LSAMP: variants seen among roughly 807,000 people sequenced by gnomAD.
LSAMP encodes the protein limbic system associated membrane protein.
A neutral mutation model predicts 38.6 loss-of-function variants in LSAMP; 7 were observed. The observed-to-expected ratio is 0.18, with a 90% CI of 0.10 to 0.34. The LOEUF is 0.34. Ranked by LOEUF, LSAMP falls within the 10% of genes least tolerant of loss-of-function variation. The probability of loss-of-function intolerance (pLI) is 1.00; values close to 1 mark genes in which losing one functional copy is unlikely to be tolerated. For missense variants in LSAMP, 313 were observed against 420.0 expected (o/e 0.75, Z 2.23); for synonymous variants, 154 against 166.8 (o/e 0.92, Z 0.59).
At chr3:116,011,244 A>G (rs906311121) in intron 3 of LSAMP, among the ~76,000 whole-genome samples, 2 of 152,104 alleles carry the variant, frequency 1.3e-5, no homozygotes, top group Admixed American at 1.3e-4. Context: ...AACTAGGGGG[A>G]GAATGAATGA....
At chr3:115,978,219 A>G (rs1441802015) in intron 3 of LSAMP, among the ~76,000 whole-genome samples, 1 of 152,194 alleles carries the variant, frequency 6.6e-6, no homozygotes, top group African/African-American at 2.4e-5. Context: ...AGCAGAGGCA[A>G]AATCTATGCC....
intron 1 of LSAMP, among the ~76,000 whole-genome samples, chr3:116,397,172 A>G (rs564177521): frequency 6.6e-4 from 100 of 152,300 alleles, no homozygotes; most frequent in African/African-American, 2.2e-3. Context: ...AAGTCCTAAC[A>G]GTAACCTATA....
Position 115,810,235 on chromosome 3 carries a change from C to T in LSAMP, c.*82G>A. ...CGGTCTCCCCCATCTCTCTCTCTCTCTCTCTCTCTGTCTCTCTCTCTCTGT... is the reference window on the plus strand; with the variant it reads ...CGGTCTCCCCCATCTCTCTCTCTCTTTCTCTCTCTGTCTCTCTCTCTCTGT... On this transcript the variant is annotated 3_prime_UTR_variant, in exon 7 of 7. Coordinates refer to ENST00000490035, the MANE Select transcript of LSAMP (RefSeq NM_002338.5). 1.0e-6 allele frequency: 1 copy of T among 970,358 alleles called. No homozygotes were observed. The highest frequency in any genetic ancestry group is 1.5e-6 in the Non-Finnish European group (1 of 648,602). The allele number at this position is 970,358 out of a possible 1,614,324, so 60.1% of individuals were successfully genotyped here. A position where few individuals can be genotyped will look rare whatever the true frequency, so the allele number is the denominator to read the frequency against.
At chr3:115,819,544 GTTCTAATGGA>G (rs1934159590) in intron 6 of LSAMP, among the ~76,000 whole-genome samples, 1 of 152,112 alleles carries the variant, frequency 6.6e-6, no homozygotes, top group Non-Finnish European at 1.5e-5. Context: ...GAATCTACAT[GTTCTAATGGA>G]TTCTAATGGA....
intron 3 of LSAMP, among the ~76,000 whole-genome samples, chr3:115,921,322 G>C (rs1044550422): frequency 4.0e-5 from 6 of 151,726 alleles, no homozygotes; most frequent in Non-Finnish European, 5.9e-5. Context: ...GACATGCATT[G>C]ATTCTTTTCT....
chr3:116,403,902 T>C (rs2048871668), intron 1 of LSAMP, among the ~76,000 whole-genome samples: 1 of 151,078 alleles, frequency 6.6e-6, no homozygotes, highest in South Asian at 2.1e-4. Flanking sequence ...AGGTGTGTAC[T>C]ACTACACTAC....
intron 3 of LSAMP, among the ~76,000 whole-genome samples, chr3:115,913,332 TAC>T (rs1322957556): frequency 3.3e-5 from 5 of 152,248 alleles, no homozygotes; most frequent in Non-Finnish European, 5.9e-5. Flanking sequence ...ACATTTGTAG[TAC>T]AGTGTTTCTC....
At chr3:115,860,161 A>G (rs181690670) in intron 3 of LSAMP, among the ~76,000 whole-genome samples, 1 of 152,348 alleles carries the variant, frequency 6.6e-6, no homozygotes, top group African/African-American at 2.4e-5. Flanking sequence ...CTTAATAAAC[A>G]CTTGCTAGGC....
At chr3:116,395,637 C>T (rs2107818761) in intron 1 of LSAMP, among the ~76,000 whole-genome samples, 1 of 152,256 alleles carries the variant, frequency 6.6e-6, no homozygotes, top group Admixed American at 6.5e-5. Context: ...AGTATTATCT[C>T]TAGAGAAAGA....
intron 1 of LSAMP, among the ~76,000 whole-genome samples, chr3:116,306,789 G>A (rs137985260): frequency 3.9e-5 from 6 of 151,986 alleles, no homozygotes; most frequent in African/African-American, 1.4e-4. Context: ...GTGAAAACAG[G>A]TTTTATGTCC....
intron 1 of LSAMP, among the ~76,000 whole-genome samples, chr3:116,213,802 G>A (rs1433122438): frequency 1.3e-5 from 2 of 152,120 alleles, no homozygotes; most frequent in Admixed American, 6.5e-5. Context: ...AATAAGCCAG[G>A]CAGATGGACA....
chr3:115,931,294 T>C (rs1400149117), intron 3 of LSAMP, among the ~76,000 whole-genome samples: 3 of 152,210 alleles, frequency 2.0e-5, no homozygotes, highest in Admixed American at 6.5e-5. Context: ...GGCCATAGAA[T>C]GCTGTAAATC....
chr3:116,188,688 G>A (rs1283264879), intron 1 of LSAMP, among the ~76,000 whole-genome samples: 2 of 152,276 alleles, frequency 1.3e-5, no homozygotes, highest in East Asian at 3.9e-4. Flanking sequence ...ACAAAACAAA[G>A]TGATGCGTTT....
intron 1 of LSAMP, among the ~76,000 whole-genome samples, chr3:116,138,429 T>C (rs1709298046): frequency 6.6e-6 from 1 of 152,102 alleles, no homozygotes; most frequent in Non-Finnish European, 1.5e-5. Context: ...AATACAATTT[T>C]TATAAATAAA....
At chr3:116,114,782 CT>C (rs1708706117) in intron 1 of LSAMP, among the ~76,000 whole-genome samples, 1 of 152,222 alleles carries the variant, frequency 6.6e-6, no homozygotes. Flanking sequence ...TCTGCCTACA[CT>C]TTGGATCATT....
intron 3 of LSAMP, among the ~76,000 whole-genome samples, chr3:115,969,971 G>A (rs1938961389): frequency 6.6e-6 from 1 of 152,160 alleles, no homozygotes; most frequent in African/African-American, 2.4e-5. Context: ...ATGTTTTAAA[G>A]GAGTAGCAGC....
intron 1 of LSAMP, among the ~76,000 whole-genome samples, chr3:116,383,714 A>C (rs1040333134): frequency 6.6e-6 from 1 of 152,190 alleles, no homozygotes; most frequent in African/African-American, 2.4e-5. Flanking sequence ...CAGGATCTCC[A>C]TGTGAGGAGA....
intron 1 of LSAMP, chr3:116,370,043 T>C (rs891042139): frequency 6.6e-6 from 1 of 152,608 alleles, no homozygotes; most frequent in South Asian, 2.1e-4. Context: ...AGCAAACTAA[T>C]ACACTGAGCA....
intron 1 of LSAMP, among the ~76,000 whole-genome samples, chr3:116,392,979 C>G (rs1472828579): frequency 2.0e-5 from 3 of 152,084 alleles, no homozygotes; most frequent in Non-Finnish European, 2.9e-5. Context: ...GACACCTTGG[C>G]TATGGAGACA....
Sources: allele counts gnomAD v4.1 joint callset (sites outside exome capture counted in the v4.1 genomes callset), GRCh38; gene constraint gnomAD v4.1.1; transcripts MANE v1.5; gene names NCBI Gene and HGNC (gene_info 2026-07-23, HGNC 2026-07-21).